The following NT5C variants were observed in gnomAD, a reference collection of about 807,000 sequenced individuals.
NT5C encodes 5', 3'-nucleotidase, cytosolic, also known as 5'(3')-deoxyribonucleotidase, cytosolic type.
NT5C carries 14 observed loss-of-function variants against 17.6 expected under a neutral mutation model. The ratio of observed to expected loss-of-function variants is 0.79; its 90% CI spans 0.52 to 1.24. NT5C has a LOEUF of 1.24. NT5C is among the 50% of genes most tolerant of loss of function. The probability of loss-of-function intolerance (pLI) is 0.00; values close to 1 mark genes in which losing one functional copy is unlikely to be tolerated. For synonymous variants in NT5C, 153 were observed against 119.2 expected, an observed-to-expected ratio of 1.28 and a Z score of -1.85; for missense variants, 328 against 278.3, an observed-to-expected ratio of 1.18 and a Z score of -1.27.
At position 75,130,729 on chromosome 17, in the gene NT5C, G is replaced by C. The variant is rs562746759; in HGVS notation, c.451+24C>G. Reference sequence around the variant, plus strand: ...ATCCGGGCAGGCCAGAGGCCTGGAGGCTGCCAAGGATAACGGGTCCAACCT... The same window carrying C: ...ATCCGGGCAGGCCAGAGGCCTGGAGCCTGCCAAGGATAACGGGTCCAACCT... On this transcript the variant is annotated intron_variant, in intron 4 of 4. Coordinates refer to ENST00000245552, the MANE Select transcript of NT5C (RefSeq NM_014595.3). 1.9e-6 allele frequency: 3 copies of C among 1,613,656 alleles called. No homozygotes were observed. In the South Asian group the frequency reaches 3.3e-5, roughly 18 times the overall value.
At position 75,131,169 on chromosome 17, in the gene NT5C, C is replaced by A. The variant is rs746432850; in HGVS notation, c.275+12G>T. On this transcript the variant is annotated intron_variant, in intron 2 of 4. Coordinates refer to ENST00000245552, the MANE Select transcript of NT5C (RefSeq NM_014595.3). ...CCCGCCCAGGACTCCGCCCGCCCCC[C>A]TCTCTCCTTACTCCGGTAGGTCGTT... The A allele has an allele frequency of 1.2e-5, 19 of 1,612,956 alleles. No individual in the cohort carries two copies. Among genetic ancestry groups the A allele is most frequent in the Non-Finnish European group, 1.4e-5 (17 of 1,179,850 alleles).
Position 75,131,737 on chromosome 17 carries a change from G to T in NT5C, c.-30C>A. Reference sequence around the variant, plus strand: ...GCCGGGCCGGAGCTGCGAGCTCTCGGGGTCTGGGGGGCGCGGGCTCGGCCG... The same window carrying T: ...GCCGGGCCGGAGCTGCGAGCTCTCGTGGTCTGGGGGGCGCGGGCTCGGCCG... On this transcript the variant is annotated 5_prime_UTR_variant, in exon 1 of 5. Transcript: ENST00000245552. 2 of 1,258,128 alleles carry T rather than the reference G, an allele frequency of 1.6e-6. No homozygotes were observed. Among genetic ancestry groups the T allele is most frequent in the Non-Finnish European group, 1.0e-6 (1 of 1,001,926 alleles). 77.9% of individuals were successfully genotyped at this position (1,258,128 alleles called of 1,614,324 possible).
In NT5C at chr17:75,131,709, G is replaced by A. The variant is rs574126009; in HGVS notation, c.-2C>T. 2.1e-3 allele frequency: 2,670 copies of A among 1,275,086 alleles called. 3 individuals carry two copies. Among genetic ancestry groups the A allele is most frequent in the Non-Finnish European group, 2.5e-3 (2,505 of 1,011,198 alleles). The allele number at this position is 1,275,086 out of a possible 1,614,324, so 79.0% of individuals were successfully genotyped here. A position where few individuals can be genotyped will look rare whatever the true frequency, so the allele number is the denominator to read the frequency against. Reference sequence around the variant, plus strand: ...CAGCACGCGCACGCTCCGCGCCATCGCCGCCGGGCCGGAGCTGCGAGCTCT... The same window carrying A: ...CAGCACGCGCACGCTCCGCGCCATCACCGCCGGGCCGGAGCTGCGAGCTCT... On this transcript the variant is annotated 5_prime_UTR_variant, in exon 1 of 5. Transcript: ENST00000245552.
At position 75,130,545 on chromosome 17, in the gene NT5C, C is replaced by G. The variant is rs893386225; in HGVS notation, c.549G>C (p.Trp183Cys). 2 of 1,614,212 alleles carry G rather than the reference C, an allele frequency of 1.2e-6. No individual in the cohort carries two copies. Among genetic ancestry groups the G allele is most frequent in the East Asian group, 2.2e-5 (1 of 44,888 alleles). ...LPPTRRRLLS[W>C]SDNWREILDS... ...CTAAGATCTCCCTCCAGTTGTCACT[C>G]CAGGAGAGCAGCCGTCTCCTTGTCG... The change falls in exon 5 of 5, where the codon TGG becomes TGC. Residue 183 changes from tryptophan to cysteine, a missense_variant. Trp to Cys is a radical substitution (Grantham distance 215). Coordinates refer to ENST00000245552, the MANE Select transcript of NT5C (RefSeq NM_014595.3).
rs200359446 is a variant in NT5C, at chr17:75,130,492, T to A, written c.602A>T (p.Glu201Val). The change falls in exon 5 of 5, where the codon GAA (glutamate) becomes GTA (valine). Residue 201 changes from glutamate (E) to valine (V), a missense_variant. Coordinates refer to ENST00000245552, the MANE Select transcript of NT5C (RefSeq NM_014595.3). ...TGCTGCCCGCGGCATCCCCGCTCATTCCCGCTGCGCAGCTCCGCGCTTGCT... is the reference window on the plus strand; with the variant it reads ...TGCTGCCCGCGGCATCCCCGCTCATACCCGCTGCGCAGCTCCGCGCTTGCT... ...LDSKRGAAQR[E>V] The A allele has an allele frequency of 4.6e-5, 74 of 1,613,064 alleles. No individual in the cohort carries two copies. Among genetic ancestry groups the A allele is most frequent in the Non-Finnish European group, 6.0e-5 (71 of 1,179,702 alleles).
At chr17:75,131,389 C>G in intron 1 of NT5C, 108 bp from the exon 2 acceptor site, 1 of 1,408,716 alleles carries the variant, frequency 7.1e-7, no homozygotes. Flanking sequence ...GGGCGTCGGT[C>G]AGGGGCACGC....
Position 75,130,790 on chromosome 17 carries a change from C to T in NT5C, c.414G>A (p.Leu138=). The part of the protein sequence containing the change: ...IILTRDKTVV[L]GDLLIDDKDT... ...CCTTGTCATCAATGAGCAGGTCCCC[C>T]AAGACCACCGTCTTGTCCCTTGTCA... The change falls in exon 4 of 5, where the codon TTG becomes TTA. Residue 138 remains leucine, a synonymous_variant. Transcript: ENST00000245552. The T allele has an allele frequency of 6.2e-7, 1 of 1,614,192 alleles. No individual in the cohort carries two copies. Among genetic ancestry groups the T allele is most frequent in the Non-Finnish European group, 8.5e-7 (1 of 1,180,034 alleles).
Position 75,130,753 on chromosome 17 carries a change from C to A in NT5C, c.451G>T (p.Gly151Cys). The stretch of plus-strand genomic sequence containing the variant: ...GGCTGCCAAGGATAACGGGTCCAAC[C>A]TCGAACTGTGTCCTTGTCATCAATG... ...LLIDDKDTVR[G>C]QEETPSWEHI... The change falls in exon 4 of 5, where the codon GGC becomes TGC. Residue 151 changes from glycine to cysteine, a missense_variant and splice_region_variant. Coordinates refer to ENST00000245552, the MANE Select transcript of NT5C (RefSeq NM_014595.3). 1 of 1,614,172 alleles carries A rather than the reference C, an allele frequency of 6.2e-7. No individual in the cohort carries two copies. Among genetic ancestry groups the A allele is most frequent in the Non-Finnish European group, 8.5e-7 (1 of 1,179,986 alleles).
chr17:75,131,119 C>A lies in NT5C; in HGVS notation c.276-14G>T. 6.2e-7 allele frequency: 1 copy of A among 1,612,880 alleles called. No homozygotes were observed. The highest frequency in any genetic ancestry group is 8.5e-7 in the Non-Finnish European group (1 of 1,179,868). On this transcript the variant is annotated splice_polypyrimidine_tract_variant and intron_variant, in intron 2 of 4. Transcript: ENST00000245552. Reference sequence around the variant, plus strand: ...AAGACCTGCGTGCTGCGGAGAAGGACGCGGTTACCGCCGGGAGCCAGGAGC... The same window carrying A: ...AAGACCTGCGTGCTGCGGAGAAGGAAGCGGTTACCGCCGGGAGCCAGGAGC...
rs1007787173 is a variant in NT5C, at chr17:75,130,826, T to C, written c.378A>G (p.Glu126=). The C allele has an allele frequency of 3.1e-6, 5 of 1,613,904 alleles. No individual in the cohort carries two copies. Among genetic ancestry groups the C allele is most frequent in the African/African-American group, 1.3e-5 (1 of 74,872 alleles). Residue 126 remains glutamate (E), a synonymous_variant, in exon 4 of 5, where the codon GAA becomes GAG. Coordinates refer to ENST00000245552, the MANE Select transcript of NT5C (RefSeq NM_014595.3). ...VEQHLGPQFV[E]RIILTRDKTV... is the part of the protein sequence containing the mutation. ...TCTTGTCCCTTGTCAGGATAATTCG[T>C]TCTACGAACTGGGGCCCCAGGTGCT... is the stretch of plus-strand genomic sequence containing the variant.
intron 3 of NT5C, 76 bp from the exon 4 acceptor site, chr17:75,130,943 C>G: frequency 6.2e-7 from 1 of 1,608,748 alleles, no homozygotes; most frequent in Non-Finnish European, 8.5e-7. Flanking sequence ...GCTCTAAGCC[C>G]TTGAGAGCCC....
At position 75,130,660 on chromosome 17, in the gene NT5C, A is replaced by G. The variant is rs1183489251; in HGVS notation, c.452-18T>C. ...CTCCTGGCCTAGGACAGTGAAAGACAGCGCGCTGCCATCTGTCATGGGTAT... is the reference window on the plus strand; with the variant it reads ...CTCCTGGCCTAGGACAGTGAAAGACGGCGCGCTGCCATCTGTCATGGGTAT... On this transcript the variant is annotated intron_variant, in intron 4 of 4. Coordinates refer to ENST00000245552, the MANE Select transcript of NT5C (RefSeq NM_014595.3). 4 of 1,613,782 alleles carry G rather than the reference A, an allele frequency of 2.5e-6. No individual in the cohort carries two copies. The highest frequency in any genetic ancestry group is 1.7e-5 in the Admixed American group (1 of 60,024).
In NT5C at chr17:75,130,496, G is replaced by C. The variant is rs1282117854; in HGVS notation, c.598C>G (p.Arg200Gly). ...GCCCGCGGCATCCCCGCTCATTCCC[G>C]CTGCGCAGCTCCGCGCTTGCTATCT... ...ILDSKRGAAQ[R>G]E Residue 200 changes from arginine (R) to glycine (G), a missense_variant, in exon 5 of 5, where the codon CGG (arginine) becomes GGG (glycine). Transcript: ENST00000245552. 6.2e-7 allele frequency: 1 copy of C among 1,613,946 alleles called. No individual in the cohort carries two copies.
At position 75,130,458 on chromosome 17, in the gene NT5C, A is replaced by G. The variant is rs1408850681; in HGVS notation, c.*30T>C. On this transcript the variant is annotated 3_prime_UTR_variant, in exon 5 of 5. Transcript: ENST00000245552. Reference sequence around the variant, plus strand: ...GCCCCTGTGGGCCTGCCCTTCCTTTAGCTCCAGCTGCTGCCCGCGGCATCC... The same window carrying G: ...GCCCCTGTGGGCCTGCCCTTCCTTTGGCTCCAGCTGCTGCCCGCGGCATCC... The G allele has an allele frequency of 1.4e-5, 22 of 1,611,072 alleles. No individual in the cohort carries two copies. The highest frequency in any genetic ancestry group is 1.8e-5 in the Non-Finnish European group (21 of 1,178,808).
chr17:75,130,727 A>G, intron 4 of NT5C, 26 bp downstream of exon 4: 1 of 1,613,462 alleles, frequency 6.2e-7, no homozygotes, highest in Non-Finnish European at 8.5e-7. Context: ...AGAGGCCTGG[A>G]GGCTGCCAAG....
rs997908782 is a variant in NT5C at position 75,130,847 on chromosome 17, G to C, written c.357C>G (p.His119Gln). The stretch of plus-strand genomic sequence containing the variant: ...TTCGTTCTACGAACTGGGGCCCCAG[G>C]TGCTGCTCCACCCAGCGGTACTGTG... The part of the protein sequence containing the change: ...VGEKYRWVEQ[H>Q]LGPQFVERII... Residue 119 changes from histidine (H) to glutamine (Q), a missense_variant, in exon 4 of 5, where the codon CAC (histidine) becomes CAG (glutamine). By Grantham distance (24) the His-to-Gln change is conservative (BLOSUM62 0). Coordinates refer to ENST00000245552, the MANE Select transcript of NT5C (RefSeq NM_014595.3). The C allele has an allele frequency of 1.1e-5, 17 of 1,614,158 alleles. No homozygotes were observed. In the African/African-American group the frequency reaches 2.3e-4, roughly 22 times the overall value.
rs373924876 is a variant in NT5C, at chr17:75,130,501, G to A, written c.593C>T (p.Ala198Val). ...REILDSKRGA[A>V]QRE ...CGGCATCCCCGCTCATTCCCGCTGC[G>A]CAGCTCCGCGCTTGCTATCTAAGAT... The change falls in exon 5 of 5, where the codon GCG becomes GTG. Residue 198 changes from alanine to valine, a missense_variant. By Grantham distance (64) the Ala-to-Val change is moderately conservative. Transcript: ENST00000245552. 6.8e-6 allele frequency: 11 copies of A among 1,613,900 alleles called. No homozygotes were observed. The highest frequency in any genetic ancestry group is 5.3e-5 in the African/African-American group (4 of 74,944).
rs2074112926 is a variant in NT5C at position 75,131,085 on chromosome 17, G to C, written c.296C>G (p.Thr99Ser). ...GTGGTGGTACTTCAGCAGGGGGCTGGTGCAGATGAAGACCTGCGTGCTGCG... is the reference window on the plus strand; with the variant it reads ...GTGGTGGTACTTCAGCAGGGGGCTGCTGCAGATGAAGACCTGCGTGCTGCG... ...DLPDTQVFIC[T>S]SPLLKYHHCV... Residue 99 changes from threonine (T) to serine (S), a missense_variant, in exon 3 of 5, where the codon ACC becomes AGC. By Grantham distance (58) the Thr-to-Ser change is moderately conservative. Transcript: ENST00000245552. The C allele has an allele frequency of 6.2e-7, 1 of 1,613,112 alleles. No individual in the cohort carries two copies. The highest frequency in any genetic ancestry group is 1.3e-5 in the African/African-American group (1 of 74,932).
chr17:75,130,328 G>T lies in NT5C; in HGVS notation c.*160C>A. 1.2e-6 allele frequency: 1 copy of T among 852,036 alleles called. No individual in the cohort carries two copies. The highest frequency in any genetic ancestry group is 1.8e-6 in the Non-Finnish European group (1 of 548,750). 52.8% of individuals were successfully genotyped at this position (852,036 alleles called of 1,614,324 possible). On this transcript the variant is annotated 3_prime_UTR_variant, in exon 5 of 5. Coordinates refer to ENST00000245552, the MANE Select transcript of NT5C (RefSeq NM_014595.3). ...ACAGCCTCTCGGGAGGTACCGGGTG[G>T]CTGGGCCTGGGGCCCGGTAGCACAG...
Sources: gnomAD v4.1 joint callset for allele counts on GRCh38, gnomAD v4.1.1 for gene constraint, MANE v1.5 for transcripts, NCBI Gene and HGNC (gene_info 2026-07-23, HGNC 2026-07-21) for gene names.